NDUFAF6: variants seen among roughly 807,000 people sequenced by gnomAD.
NDUFAF6 encodes NADH:ubiquinone oxidoreductase complex assembly factor 6, also known as NADH dehydrogenase (ubiquinone) complex I, assembly factor 6.
Under a neutral mutation model 40.8 loss-of-function variants are expected in NDUFAF6, and 45 were observed. The ratio of observed to expected loss-of-function variants is 1.10; its 90% confidence interval spans 0.87 to 1.42. The LOEUF (loss-of-function observed/expected upper bound fraction) is 1.42, where lower values mean the gene tolerates loss of function less well. Among genes scored for constraint, NDUFAF6 ranks in the 40% most tolerant of loss-of-function variants. The probability of loss-of-function intolerance (pLI) is 0.00; values close to 1 mark genes in which losing one functional copy is unlikely to be tolerated. For synonymous variants in NDUFAF6, 185 were observed against 155.9 expected (o/e 1.19, Z -1.39); for missense variants, 435 against 418.5 (o/e 1.04, Z -0.34).
intron 2 of NDUFAF6, among the ~76,000 whole-genome samples, chr8:94,991,995 G>T (rs1272694773): frequency 6.6e-6 from 1 of 152,166 alleles, no homozygotes; most frequent in East Asian, 1.9e-4. Context: ...TTATACATTT[G>T]AAGTTTTTAA....
intron 1 of NDUFAF6, among the ~76,000 whole-genome samples, chr8:94,943,613 T>C (rs779277643): frequency 2.0e-5 from 3 of 152,252 alleles, no homozygotes; most frequent in Non-Finnish European, 4.4e-5. Context: ...CAGTTCACTT[T>C]CAAAATAATC....
At chr8:95,084,443 A>C (rs1467691889) in intron 2 of NDUFAF6, among the ~76,000 whole-genome samples, 1 of 152,170 alleles carries the variant, frequency 6.6e-6, no homozygotes, top group Non-Finnish European at 1.5e-5. Flanking sequence ...ATATTTTTTA[A>C]AACTTAGTGC....
At chr8:94,946,116 T>C (rs1270711523) in intron 2 of NDUFAF6, among the ~76,000 whole-genome samples, 2 of 152,146 alleles carry the variant, frequency 1.3e-5, no homozygotes, top group African/African-American at 4.8e-5. Context: ...GTTTTTTTTT[T>C]TCTTCTACAC....
At chr8:95,040,027 A>G (rs1829978200) in intron 3 of NDUFAF6, among the ~76,000 whole-genome samples, 1 of 152,214 alleles carries the variant, frequency 6.6e-6, no homozygotes, top group South Asian at 2.1e-4. Context: ...AATAATGTCT[A>G]CAGTATCATT....
At chr8:95,117,454 C>CT (rs1810157734), downstream of NDUFAF6, among the ~76,000 whole-genome samples, 1 of 151,878 alleles carries the variant, frequency 6.6e-6, no homozygotes, top group South Asian at 2.1e-4. Flanking sequence ...ACAAATAAAG[C>CT]TTTTTTTGTG....
chr8:95,104,824 A>G (rs1809769346), downstream of NDUFAF6, among the ~76,000 whole-genome samples: 1 of 152,108 alleles, frequency 6.6e-6, no homozygotes, highest in South Asian at 2.1e-4. Context: ...GCAGCACTAC[A>G]TTGGTTGGTC....
rs574785256 is a variant in NDUFAF6, at chr8:94,996,029, C to T, written c.-84+15056C>T. On this transcript the variant is annotated intron_variant, in intron 2 of 9. Transcript: ENST00000396111. ...CTGACCTCAGGTGATCCATCCACCT[C>T]GGCCTCCCAAAGTGCTCACAGGCGT... Among the ~76,000 whole-genome samples the T allele has an allele frequency of 1.2e-4, 19 of 152,304 alleles. 1 individual carries two copies. The highest frequency in any genetic ancestry group is 1.2e-3 in the South Asian group (6 of 4,828).
At chr8:94,908,328 AAGG>A (rs1249767358) in intron 1 of NDUFAF6, among the ~76,000 whole-genome samples, 1 of 152,252 alleles carries the variant, frequency 6.6e-6, no homozygotes, top group African/African-American at 2.4e-5. Flanking sequence ...TGAGCAAAGA[AAGG>A]AGAACTAGTA....
At chr8:94,977,522 TAA>T (rs748596014) in intron 1 of NDUFAF6, among the ~76,000 whole-genome samples, 17,167 of 104,534 alleles carry the variant, frequency 0.16, 1,295 homozygotes, top group Middle Eastern at 0.31. Context: ...ACCCTGTCTC[TAA>T]AAAAAAAAAA....
chr8:94,940,318 A>G (rs574176994), intron 1 of NDUFAF6: 2 of 1,377,640 alleles, frequency 1.5e-6, no homozygotes, highest in East Asian at 2.3e-5. Flanking sequence ...TCACCCATCA[A>G]ATTCACAGCA....
Position 95,035,464 on chromosome 8 carries a change from C to A in NDUFAF6, c.308C>A (p.Ser103Ter), listed in dbSNP as rs995812163. 16 of 1,613,578 alleles carry A rather than the reference C, an allele frequency of 9.9e-6. No individual in the cohort carries two copies. Among genetic ancestry groups the A allele is most frequent in the Non-Finnish European group, 1.4e-5 (16 of 1,179,836 alleles). ...FNVELAQVKDSVSEKTIGLMR... is the reference protein window; with the variant it reads ...FNVELAQVKD ...AAACCCTGTTTATAGGTTAAAGACT[C>A]AGTCTCTGAGAAAACAATTGGACTG... Residue 103 changes from serine (S) to a stop codon, truncating the protein, a stop_gained, in exon 3 of 9, where the codon TCA becomes TAA. Transcript: ENST00000396124. LOFTEE classifies it high-confidence loss of function.
At chr8:94,922,259 C>G (rs557790848) in intron 1 of NDUFAF6, among the ~76,000 whole-genome samples, 49 of 152,106 alleles carry the variant, frequency 3.2e-4, no homozygotes, top group Admixed American at 2.7e-3. Flanking sequence ...ATCTGCCCAC[C>G]TTGGCCTCCC....
At chr8:94,910,049 C>G (rs954025735) in intron 1 of NDUFAF6, among the ~76,000 whole-genome samples, 2 of 151,538 alleles carry the variant, frequency 1.3e-5, no homozygotes, top group Non-Finnish European at 2.9e-5. Flanking sequence ...TTTTCCTTCT[C>G]TCTTGTATAC....
intron 1 of NDUFAF6, among the ~76,000 whole-genome samples, chr8:94,919,990 C>G (rs1819391906): frequency 6.6e-6 from 1 of 151,996 alleles, no homozygotes; most frequent in Non-Finnish European, 1.5e-5. Context: ...ATAGAATTTC[C>G]TATAGTCTGT....
At chr8:94,908,866 AT>A (rs1168001841) in intron 1 of NDUFAF6, among the ~76,000 whole-genome samples, 1 of 152,184 alleles carries the variant, frequency 6.6e-6, no homozygotes, top group Admixed American at 6.5e-5. Flanking sequence ...TTGACTCCTA[AT>A]TTTATATTTG....
At chr8:95,009,969 G>A (rs1329655188) in intron 2 of NDUFAF6, among the ~76,000 whole-genome samples, 7 of 152,146 alleles carry the variant, frequency 4.6e-5, no homozygotes, top group African/African-American at 1.7e-4. Context: ...CCTCCCCCAA[G>A]TACACTGTAT....
chr8:95,005,157 G>A (rs1406781607), intron 2 of NDUFAF6, among the ~76,000 whole-genome samples: 2 of 151,962 alleles, frequency 1.3e-5, no homozygotes, highest in African/African-American at 4.8e-5. Flanking sequence ...TGGTAAAATG[G>A]GAGAAAAAAG....
intron 2 of NDUFAF6, among the ~76,000 whole-genome samples, chr8:95,010,743 A>G (rs1827193130): frequency 6.6e-6 from 1 of 152,114 alleles, no homozygotes; most frequent in Non-Finnish European, 1.5e-5. Context: ...AAAAAATCCT[A>G]CTAGTGTTAA....
chr8:94,974,775 A>G (rs550790257), intron 1 of NDUFAF6: 66 of 179,466 alleles, frequency 3.7e-4, no homozygotes, highest in African/African-American at 1.5e-3. Context: ...CCAGTGTATC[A>G]GTAGCCAAGC....
Sources: allele counts gnomAD v4.1 joint callset (sites outside exome capture counted in the v4.1 genomes callset), GRCh38; gene constraint gnomAD v4.1.1; transcripts MANE v1.5; gene names NCBI Gene and HGNC (gene_info 2026-07-23, HGNC 2026-07-21).